The following IRAG1 variants were observed in gnomAD, a reference collection of about 807,000 sequenced individuals.
IRAG1 encodes IP3R-associated cGMP kinase substrate.
A neutral mutation model predicts 106.2 loss-of-function variants in IRAG1; 62 were observed. That is an observed-to-expected ratio of 0.58 (90% confidence interval 0.48 to 0.72). The LOEUF (loss-of-function observed/expected upper bound fraction) is 0.72. IRAG1 is among the 30% of genes least tolerant of loss of function. The pLI, the probability that IRAG1 is intolerant of heterozygous loss-of-function variation, is 0.00. For synonymous variants in IRAG1, 462 were observed against 443.9 expected, an observed-to-expected ratio of 1.04 and a Z score of -0.51; for missense variants, 1,064 against 1,140.7, an observed-to-expected ratio of 0.93 and a Z score of 0.97.
rs1294955132 is a variant in IRAG1 at position 10,574,656 on chromosome 11, T to C, written c.*1676A>G. The C allele has an allele frequency of 6.6e-6, 1 of 151,934 alleles. No homozygotes were observed. Among genetic ancestry groups the C allele is most frequent in the African/African-American group, 2.4e-5 (1 of 41,350 alleles). The allele number at this position is 151,934 out of a possible 1,614,324, so 9.4% of individuals were successfully genotyped here. On this transcript the variant is annotated 3_prime_UTR_variant, in exon 21 of 21. Coordinates refer to ENST00000423302, the MANE Select transcript of IRAG1 (RefSeq NM_130385.4). ...GACCTGAAGAAAAGAGAAGAACAGC[T>C]GGAAAAAAAACTAGTGAGTGGAGGT...
rs549644433 is a variant in IRAG1 at position 10,623,316 on chromosome 11, G to A, written c.1447+462C>T. On this transcript the variant is annotated intron_variant, in intron 10 of 20. Coordinates refer to ENST00000423302, the MANE Select transcript of IRAG1 (RefSeq NM_130385.4). ...CCTCATTTTCAGAACCATTTTCCCC[G>A]CCATGGTTCTGGCAGAAGGTGGACA... Among the ~76,000 whole-genome samples the A allele has an allele frequency of 3.3e-5, 5 of 152,270 alleles. No homozygotes were observed. The East Asian group carries it at 5.8e-4, about 18-fold the overall frequency.
chr11:10,629,740 A>C (rs1227163682), intron 4 of IRAG1, 29 bp from the exon 5 acceptor site: 1 of 1,605,524 alleles, frequency 6.2e-7, no homozygotes, highest in East Asian at 2.2e-5. Flanking sequence ...CTGGGGTGAG[A>C]GCCACTGCAT....
intron 11 of IRAG1, among the ~76,000 whole-genome samples, chr11:10,607,772 C>T (rs1306112846): frequency 2.0e-5 from 3 of 152,156 alleles, no homozygotes; most frequent in East Asian, 3.8e-4. Context: ...CTGGTTCTCA[C>T]CCCTAGGGAA....
Position 10,674,467 on chromosome 11 carries a change from C to A in IRAG1, c.67+19069G>T, listed in dbSNP as rs139010800. ...TGAGGCTGAAGGACAGGATTCATCC[C>A]TCACTCCAGAGCTTCCCAGTACTCT... is the stretch of plus-strand genomic sequence containing the variant. On this transcript the variant is annotated intron_variant, in intron 1 of 20. Transcript: ENST00000423302. Among the ~76,000 whole-genome samples, 1,310 of 152,298 alleles carry A rather than the reference C, an allele frequency of 8.6e-3. 8 individuals carry two copies. Among genetic ancestry groups the A allele is most frequent in the Non-Finnish European group, 0.012 (800 of 68,034 alleles).
chr11:10,644,116 T>G (rs553363070), intron 2 of IRAG1, among the ~76,000 whole-genome samples: 47 of 152,324 alleles, frequency 3.1e-4, no homozygotes, highest in Admixed American at 2.9e-3. Flanking sequence ...TTCCCATGCA[T>G]GGGGCCTCTG....
intron 14 of IRAG1, among the ~76,000 whole-genome samples, chr11:10,602,155 C>A (rs1854084680): frequency 1.3e-5 from 2 of 152,224 alleles, no homozygotes; most frequent in Admixed American, 1.3e-4. Context: ...CTGGGCACCA[C>A]TGCTGAGTCA....
intron 1 of IRAG1, among the ~76,000 whole-genome samples, chr11:10,680,512 A>AAAGAAAGGAAGAAAGGAAGAAAGG (rs71034779): frequency 5.3e-5 from 7 of 131,690 alleles, no homozygotes; most frequent in African/African-American, 1.3e-4. Context: ...AGAAAGGGAA[A>AAAGAAAGGAAGAAAGGAAGAAAGG]AAGAAAGGAA....
In IRAG1 at chr11:10,629,543, G is replaced by A. The variant is rs1302132042; in HGVS notation, c.569C>T (p.Pro190Leu). The A allele has an allele frequency of 2.5e-6, 4 of 1,612,950 alleles. No individual in the cohort carries two copies. The highest frequency in any genetic ancestry group is 1.7e-5 in the Admixed American group (1 of 59,970). ...RKSRSSPGDS[P>L]SAVSPNLSPS... ...TGTACATCCTGCCACCCTACCTGAT[G>A]GGGAGTCTCCGGGGCTGCTCCTGGA... Residue 190 changes from proline to leucine, a missense_variant, in exon 5 of 21, where the codon CCA (proline) becomes CTA (leucine). Coordinates refer to ENST00000423302, the MANE Select transcript of IRAG1 (RefSeq NM_130385.4).
In IRAG1 at chr11:10,633,962, C is replaced by T. The variant is rs1856938751; in HGVS notation, c.329+6G>A. On this transcript the variant is annotated splice_donor_region_variant and intron_variant, in intron 3 of 20. Coordinates refer to ENST00000423302, the MANE Select transcript of IRAG1 (RefSeq NM_130385.4). ...TTGTCACAATGCAAGGATCAGGCAC[C>T]TGTACCTGTTGGCCAGGTTTTTGTC... 6.3e-7 allele frequency: 1 copy of T among 1,590,406 alleles called. No individual in the cohort carries two copies. Among genetic ancestry groups the T allele is most frequent in the African/African-American group, 1.3e-5 (1 of 74,588 alleles).
intron 2 of IRAG1, among the ~76,000 whole-genome samples, chr11:10,637,539 T>A (rs1370209870): frequency 1.3e-5 from 2 of 152,174 alleles, no homozygotes; most frequent in African/African-American, 4.8e-5. Flanking sequence ...CTGCTCTCTC[T>A]CACAGGAAGA....
chr11:10,648,430 C>T (rs926527729), intron 2 of IRAG1, among the ~76,000 whole-genome samples: 11 of 152,166 alleles, frequency 7.2e-5, no homozygotes, highest in Non-Finnish European at 1.6e-4. Context: ...TTCAGTAGGT[C>T]TTGGATGGCT....
chr11:10,584,266 C>G (rs1564889997), intron 18 of IRAG1, among the ~76,000 whole-genome samples: 1 of 152,290 alleles, frequency 6.6e-6, no homozygotes, highest in East Asian at 1.9e-4. Flanking sequence ...AGCCTTGTAT[C>G]TTCTCCTCAT....
At chr11:10,661,285 G>C (rs1859382546) in intron 1 of IRAG1, among the ~76,000 whole-genome samples, 1 of 151,982 alleles carries the variant, frequency 6.6e-6, no homozygotes, top group Non-Finnish European at 1.5e-5. Context: ...TATACTTTAT[G>C]GGTTCCTACT....
rs1854182213 is a variant in IRAG1, at chr11:10,603,258, A to G, written c.1744-7T>C. On this transcript the variant is annotated splice_polypyrimidine_tract_variant and splice_region_variant and intron_variant, in intron 13 of 20. Coordinates refer to ENST00000423302, the MANE Select transcript of IRAG1 (RefSeq NM_130385.4). ...GCCAGAGTGAAGCTGAGGACTGAACAGGAGTAGGAGCATCACCTGGGGTCC... is the reference window on the plus strand; with the variant it reads ...GCCAGAGTGAAGCTGAGGACTGAACGGGAGTAGGAGCATCACCTGGGGTCC... 2 of 1,613,354 alleles carry G rather than the reference A, an allele frequency of 1.2e-6. 1 individual carries two copies. The highest frequency in any genetic ancestry group is 1.7e-6 in the Non-Finnish European group (2 of 1,179,714).
intron 1 of IRAG1, among the ~76,000 whole-genome samples, chr11:10,655,800 T>C (rs1041472182): frequency 2.0e-4 from 31 of 152,160 alleles, no homozygotes; most frequent in Non-Finnish European, 2.5e-4. Flanking sequence ...AAAAAGAGCT[T>C]AAGTCAGTCC....
intron 1 of IRAG1, among the ~76,000 whole-genome samples, chr11:10,679,949 TC>T (rs1373319202): frequency 6.6e-6 from 1 of 152,134 alleles, no homozygotes; most frequent in African/African-American, 2.4e-5. Context: ...GAAACGTTTT[TC>T]CAAGGAGTAT....
chr11:10,588,524 AT>A (rs1296533395), intron 18 of IRAG1, among the ~76,000 whole-genome samples: 1 of 152,014 alleles, frequency 6.6e-6, no homozygotes, highest in Admixed American at 6.6e-5. Context: ...TAATTTTTAT[AT>A]TTTTTGTAGA....
chr11:10,669,634 G>A (rs1860061756), intron 1 of IRAG1, among the ~76,000 whole-genome samples: 1 of 152,166 alleles, frequency 6.6e-6, no homozygotes, highest in African/African-American at 2.4e-5. Flanking sequence ...GCTCTCCCCC[G>A]AGGCCAGATG....
At chr11:10,586,154 C>CTG (rs36057803) in intron 18 of IRAG1, 12,096 of 149,830 alleles carry the variant, frequency 0.081, 545 homozygotes, top group East Asian at 0.14. Context: ...CCTTTGTTTA[C>CTG]TGTGTGTGTG....
Sources: gnomAD v4.1 joint callset for allele counts (sites outside exome capture counted in the v4.1 genomes callset) on GRCh38, gnomAD v4.1.1 for gene constraint, MANE v1.5 for transcripts, NCBI Gene and HGNC (gene_info 2026-07-23, HGNC 2026-07-21) for gene names.